The following GALNT13 variants were observed in gnomAD, a reference collection of about 807,000 sequenced individuals.
GALNT13 encodes polypeptide N-acetylgalactosaminyltransferase 13.
Under a neutral mutation model 64.2 loss-of-function variants are expected in GALNT13, and 28 were observed. The observed-to-expected ratio is 0.44, with a 90% CI of 0.32 to 0.60. The LOEUF is 0.60. GALNT13 is among the 20% of genes least tolerant of loss of function. GALNT13 has a pLI of 0.05. For synonymous variants in GALNT13, 214 were observed against 224.6 expected, an observed-to-expected ratio of 0.95 and a Z score of 0.42; for missense variants, 577 against 669.8, an observed-to-expected ratio of 0.86 and a Z score of 1.53.
At chr2:154,001,848 G>C (rs1385425307) in intron 3 of GALNT13, among the ~76,000 whole-genome samples, 1 of 151,976 alleles carries the variant, frequency 6.6e-6, no homozygotes, top group Non-Finnish European at 1.5e-5. Flanking sequence ...AGACTTGTCT[G>C]TTAGTTATGT....
the GALNT13 span, among the ~76,000 whole-genome samples, chr2:153,356,382 G>A: frequency 6.6e-6 from 1 of 152,302 alleles, no homozygotes; most frequent in African/African-American, 2.4e-5. Flanking sequence ...GGGATAGAAA[G>A]GTCAGTTTTA....
the GALNT13 span, among the ~76,000 whole-genome samples, chr2:153,750,554 C>G: frequency 0.29 from 44,477 of 151,106 alleles, 7,125 homozygotes; most frequent in African/African-American, 0.41. Context: ...AGTCTTTGTA[C>G]GTTGTATGTG....
At chr2:153,903,211 C>G (rs535772940) in intron 2 of GALNT13, among the ~76,000 whole-genome samples, 1 of 151,926 alleles carries the variant, frequency 6.6e-6, no homozygotes, top group East Asian at 1.9e-4. Context: ...TGTCTTCCTT[C>G]CTTAGTAGAA....
chr2:153,934,192 A>G (rs1690737393), intron 2 of GALNT13, among the ~76,000 whole-genome samples: 1 of 152,202 alleles, frequency 6.6e-6, no homozygotes, highest in East Asian at 1.9e-4. Context: ...TGAAAGGAAT[A>G]TTTTAGCTTT....
intron 9 of GALNT13, among the ~76,000 whole-genome samples, chr2:154,316,988 A>G (rs542118486): frequency 6.6e-6 from 1 of 152,232 alleles, no homozygotes; most frequent in African/African-American, 2.4e-5. Context: ...CAAGGCAGGC[A>G]GATCACTTGA....
At chr2:153,723,021 T>G in the GALNT13 span, among the ~76,000 whole-genome samples, 2 of 152,060 alleles carry the variant, frequency 1.3e-5, no homozygotes, top group Non-Finnish European at 2.9e-5. Context: ...TTTAGAACAA[T>G]ATCCTTGATG....
chr2:153,966,219 C>CTTTTTT (rs761961683), intron 3 of GALNT13, among the ~76,000 whole-genome samples: 190 of 119,642 alleles, frequency 1.6e-3, no homozygotes, highest in Middle Eastern at 4.8e-3. Context: ...GGTTGGATTT[C>CTTTTTT]TTTTTTTTTT....
Position 153,903,574 on chromosome 2 carries a change from C to T in GALNT13, c.-105+2567C>T, listed in dbSNP as rs532217512. ...TGACTTTGTGTCAATTATTGATGCT[C>T]TCTGTGCGTCAGCCTCTGTACCTTC... is the stretch of plus-strand genomic sequence containing the variant. On this transcript the variant is annotated intron_variant, in intron 2 of 12. Transcript: ENST00000392825. Among the ~76,000 whole-genome samples, 71 of 152,022 alleles carry T rather than the reference C, an allele frequency of 4.7e-4. 1 individual carries two copies. The highest frequency in any genetic ancestry group is 1.7e-3 in the African/African-American group (70 of 41,518).
the GALNT13 span, among the ~76,000 whole-genome samples, chr2:153,777,875 A>G: frequency 6.6e-6 from 1 of 152,158 alleles, no homozygotes; most frequent in Admixed American, 6.5e-5. Flanking sequence ...ACCTTGTTAC[A>G]AGGACAGAGG....
chr2:153,870,880 CA>C (rs1181577922), upstream of GALNT13, among the ~76,000 whole-genome samples: 2 of 151,910 alleles, frequency 1.3e-5, no homozygotes, highest in Non-Finnish European at 2.9e-5. Flanking sequence ...GGACCCCTGT[CA>C]GCCCTTATTA....
At chr2:153,672,432 C>T in the GALNT13 span, among the ~76,000 whole-genome samples, 4 of 152,152 alleles carry the variant, frequency 2.6e-5, no homozygotes, top group East Asian at 7.7e-4. Context: ...GGAAACTAAA[C>T]AACCTGCTCC....
chr2:154,030,677 TC>T (rs1698278078), intron 3 of GALNT13, among the ~76,000 whole-genome samples: 1 of 152,078 alleles, frequency 6.6e-6, no homozygotes, highest in Admixed American at 6.6e-5. Context: ...GGTGCAGATT[TC>T]CCCCTTGCTG....
chr2:153,676,290 T>C, the GALNT13 span, among the ~76,000 whole-genome samples: 1 of 152,070 alleles, frequency 6.6e-6, no homozygotes, highest in African/African-American at 2.4e-5. Flanking sequence ...CCTGGAAATA[T>C]ACAACCTCCC....
the GALNT13 span, among the ~76,000 whole-genome samples, chr2:153,840,737 G>T: frequency 6.6e-6 from 1 of 152,096 alleles, no homozygotes; most frequent in Admixed American, 6.6e-5. Context: ...AATAGAAAAA[G>T]CTAGAATGAC....
chr2:154,140,469 C>CCCTTA lies in GALNT13; in HGVS notation c.276_280dup (p.Asn94ThrfsTer9). 1 of 1,611,512 alleles carries CCCTTA rather than the reference C, an allele frequency of 6.2e-7. No homozygotes were observed. The highest frequency in any genetic ancestry group is 1.1e-5 in the South Asian group (1 of 90,864). On this transcript the variant is annotated frameshift_variant, in exon 4 of 13. Coordinates refer to ENST00000392825, the MANE Select transcript of GALNT13 (RefSeq NM_052917.4). LOFTEE classifies it high-confidence loss of function. ...AACCTTATGGCCAGTGATTTGATTG[C>CCCTTA]CCTTAATAGAAGTCTGCCAGATGTA... is the stretch of plus-strand genomic sequence containing the variant.
chr2:153,813,550 G>T, the GALNT13 span, among the ~76,000 whole-genome samples: 1 of 151,986 alleles, frequency 6.6e-6, no homozygotes, highest in Non-Finnish European at 1.5e-5. Flanking sequence ...GTCATCAGAG[G>T]ACCTAGAAAG....
At chr2:153,345,662 T>C in the GALNT13 span, among the ~76,000 whole-genome samples, 2 of 141,682 alleles carry the variant, frequency 1.4e-5, no homozygotes, top group South Asian at 4.7e-4. Context: ...TTTCTTTCTT[T>C]CTTTCTTTCT....
At chr2:153,960,086 A>G (rs1311288305) in intron 3 of GALNT13, among the ~76,000 whole-genome samples, 1 of 152,192 alleles carries the variant, frequency 6.6e-6, no homozygotes, top group Non-Finnish European at 1.5e-5. Flanking sequence ...CTGCCAGGGA[A>G]AATAGTGGCT....
At chr2:154,368,955 C>T (rs557387380) in intron 9 of GALNT13, among the ~76,000 whole-genome samples, 4 of 151,552 alleles carry the variant, frequency 2.6e-5, no homozygotes, top group South Asian at 2.1e-4. Context: ...CATTGTGTTC[C>T]GGAATTGTAA....
Sources: gnomAD v4.1 joint callset for allele counts (sites outside exome capture counted in the v4.1 genomes callset) on GRCh38, gnomAD v4.1.1 for gene constraint, MANE v1.5 for transcripts, NCBI Gene and HGNC (gene_info 2026-07-23, HGNC 2026-07-21) for gene names.